DNPEP: variants seen among roughly 807,000 people sequenced by gnomAD.
DNPEP encodes the protein aspartyl aminopeptidase.
DNPEP carries 46 observed loss-of-function variants against 59.1 expected under a neutral mutation model. That is an observed-to-expected ratio of 0.78 (90% CI 0.61 to 0.99). The LOEUF (loss-of-function observed/expected upper bound fraction) is 0.99, where lower values mean the gene tolerates loss of function less well. Among genes scored for constraint, DNPEP ranks in the 50% least tolerant of loss-of-function variants. The pLI, the probability that DNPEP is intolerant of heterozygous loss-of-function variation, is 0.00. For synonymous variants in DNPEP, 229 were observed against 242.2 expected (o/e 0.95, Z 0.50); for missense variants, 617 against 649.9 (o/e 0.95, Z 0.55).
Position 219,385,515 on chromosome 2 carries a change from G to A in DNPEP, c.683C>T (p.Ser228Leu), listed in dbSNP as rs149936277. Residue 228 changes from serine (S) to leucine (L), a missense_variant, in exon 8 of 15, where the codon TCG becomes TTG. Ser to Leu is a moderately radical substitution (Grantham distance 145, BLOSUM62 -2). Coordinates refer to ENST00000273075, the MANE Select transcript of DNPEP (RefSeq NM_012100.4). ...GGCACAGAGCAGGGACATGAGGACCGAATGGTGCCGCTCATCCTGAAGAGC... is the reference window on the plus strand; with the variant it reads ...GGCACAGAGCAGGGACATGAGGACCAAATGGTGCCGCTCATCCTGAAGAGC... ...PLNAVDERHH[S>L]VLMSLLCAHL... The A allele has an allele frequency of 8.9e-4, 1,430 of 1,603,442 alleles. 11 individuals carry two copies. The South Asian group carries it at 0.011, about 12-fold the overall frequency.
chr2:219,387,361 A>C (rs969667599), intron 1 of DNPEP, 198 bp from the exon 2 acceptor site: 3 of 1,440,640 alleles, frequency 2.1e-6, no homozygotes, highest in Non-Finnish European at 2.7e-6. Flanking sequence ...GCCCAGGATC[A>C]TGAGCCAGGC....
chr2:219,385,828 C>T, intron 6 of DNPEP, 122 bp from the exon 7 acceptor site: 1 of 1,445,060 alleles, frequency 6.9e-7, no homozygotes, highest in Non-Finnish European at 9.4e-7. Context: ...GCCCACTCCC[C>T]AAATCACAAG....
rs1183913072 is a variant in DNPEP at position 219,386,049 on chromosome 2, G to A, written c.509C>T (p.Pro170Leu). 3 of 1,614,124 alleles carry A rather than the reference G, an allele frequency of 1.9e-6. No homozygotes were observed. Among genetic ancestry groups the A allele is most frequent in the African/African-American group, 2.7e-5 (2 of 75,022 alleles). ...LEQQLVHVER[P>L]ILRIPHLAIH... ...GGCCAGGTGTGGGATGCGAAGAATGGGCCGCTCCACGTGCACCAGCTGCTG... is the reference window on the plus strand; with the variant it reads ...GGCCAGGTGTGGGATGCGAAGAATGAGCCGCTCCACGTGCACCAGCTGCTG... The change falls in exon 6 of 15, where the codon CCC becomes CTC. Residue 170 changes from proline to leucine, a missense_variant. Physicochemically the swap from Pro to Leu is moderately conservative, Grantham distance 98. Coordinates refer to ENST00000273075, the MANE Select transcript of DNPEP (RefSeq NM_012100.4).
intron 10 of DNPEP, 121 bp downstream of exon 10, chr2:219,383,010 G>C: frequency 1.4e-6 from 1 of 733,532 alleles, no homozygotes; most frequent in South Asian, 1.7e-5. Context: ...AGGAGGCACA[G>C]GCAGCATCTC....
In DNPEP at chr2:219,381,436, C is replaced by T; in HGVS notation, c.1138G>A (p.Gly380Ser). Residue 380 changes from glycine (G) to serine (S), a missense_variant and splice_region_variant, in exon 13 of 15, where the codon GGC becomes AGC. Coordinates refer to ENST00000273075, the MANE Select transcript of DNPEP (RefSeq NM_012100.4). ...EENHRPLFHK[G>S]PVIKVNSKQR... is the part of the protein sequence containing the mutation. ...TTGCTGTTCACCTTGATCACGGGGC[C>T]CTGGGGAGAGTCAAGGTGAGGCAGA... 6.2e-7 allele frequency: 1 copy of T among 1,614,208 alleles called. No homozygotes were observed. Among genetic ancestry groups the T allele is most frequent in the Non-Finnish European group, 8.5e-7 (1 of 1,180,036 alleles).
chr2:219,396,853 C>T (rs188452044), intron 1 of DNPEP, among the ~76,000 whole-genome samples: 4 of 152,256 alleles, frequency 2.6e-5, no homozygotes, highest in Non-Finnish European at 5.9e-5. Flanking sequence ...CACAGACCTC[C>T]ATGTACAATT....
intron 9 of DNPEP, among the ~76,000 whole-genome samples, 161 bp downstream of exon 9, chr2:219,384,205 A>G (rs10804272): frequency 0.99 from 151,276 of 152,366 alleles, 75,103 homozygotes; most frequent in East Asian, 1. Flanking sequence ...TGAGGCTGCA[A>G]CATTTAGGGC....
intron 13 of DNPEP, among the ~76,000 whole-genome samples, chr2:219,378,766 A>G (rs1201342537): frequency 6.6e-6 from 1 of 152,210 alleles, no homozygotes; most frequent in South Asian, 2.1e-4. Context: ...GGCATAATGC[A>G]TGACTCACTT....
intron 8 of DNPEP, chr2:219,384,761 G>T (rs977468262): frequency 3.5e-5 from 9 of 257,700 alleles, no homozygotes; most frequent in African/African-American, 2.1e-4. Context: ...TAGAGACAGG[G>T]TTTCACCATG....
intron 1 of DNPEP, among the ~76,000 whole-genome samples, chr2:219,395,743 G>A (rs755909948): frequency 9.2e-5 from 14 of 152,158 alleles, no homozygotes; most frequent in Non-Finnish European, 2.1e-4. Context: ...GCCTTCCCTA[G>A]CATCTCCAGA....
chr2:219,377,277 CAAAAAAA>C (rs386392672), intron 13 of DNPEP, among the ~76,000 whole-genome samples: 8,261 of 65,612 alleles, frequency 0.13, 203 homozygotes, highest in Middle Eastern at 0.27. Context: ...CTCACTCTGT[CAAAAAAA>C]AAAAAAAAAA....
At chr2:219,383,479 TTTTC>T (rs377085261) in intron 9 of DNPEP, among the ~76,000 whole-genome samples, 236 of 152,132 alleles carry the variant, frequency 1.6e-3, no homozygotes, top group African/African-American at 4.9e-3. Flanking sequence ...TTTTCTCTTT[TTTTC>T]TTTCTTTCTT....
intron 13 of DNPEP, among the ~76,000 whole-genome samples, chr2:219,375,247 C>G (rs552189313): frequency 2.0e-4 from 30 of 152,312 alleles, no homozygotes; most frequent in African/African-American, 7.0e-4. Flanking sequence ...ATTCTCCACA[C>G]AGCAGGAAGG....
chr2:219,395,194 C>A (rs543063526), intron 1 of DNPEP, among the ~76,000 whole-genome samples: 2 of 152,300 alleles, frequency 1.3e-5, no homozygotes, highest in East Asian at 3.9e-4. Context: ...GCAATCTGCC[C>A]TCCTCAGCCT....
intron 13 of DNPEP, among the ~76,000 whole-genome samples, chr2:219,375,581 A>G (rs1953339906): frequency 6.6e-6 from 1 of 152,074 alleles, no homozygotes; most frequent in African/African-American, 2.4e-5. Flanking sequence ...ATTTATTTTG[A>G]GATGGAGTCT....
upstream of DNPEP, among the ~76,000 whole-genome samples, chr2:219,389,596 G>A (rs1382077294): frequency 1.3e-5 from 2 of 151,720 alleles, no homozygotes; most frequent in Admixed American, 6.6e-5. Context: ...TTGGGAGGCC[G>A]AGGCGGGTAG....
chr2:219,383,715 C>T (rs1953695786), intron 9 of DNPEP, among the ~76,000 whole-genome samples: 1 of 152,144 alleles, frequency 6.6e-6, no homozygotes, highest in Admixed American at 6.6e-5. Context: ...GTGACAGACT[C>T]CATCAAGGTG....
chr2:219,376,681 G>A (rs1212867895), intron 13 of DNPEP, among the ~76,000 whole-genome samples: 1 of 152,160 alleles, frequency 6.6e-6, no homozygotes, highest in African/African-American at 2.4e-5. Context: ...CCACTTCACA[G>A]AAGAATGGAA....
Position 219,383,605 on chromosome 2 carries a change from T to C in DNPEP, c.853-391A>G, listed in dbSNP as rs1574982955. On this transcript the variant is annotated intron_variant, in intron 9 of 14. Coordinates refer to ENST00000273075, the MANE Select transcript of DNPEP (RefSeq NM_012100.4). Reference sequence around the variant, plus strand: ...CCCATGCAAAAGGCAGTAGAAGATGTGGAGGACAGAGAGGAAGAGCTGAGA... The same window carrying C: ...CCCATGCAAAAGGCAGTAGAAGATGCGGAGGACAGAGAGGAAGAGCTGAGA... Among the ~76,000 whole-genome samples the C allele has an allele frequency of 3.9e-5, 6 of 152,068 alleles. No individual in the cohort carries two copies. The South Asian group carries it at 1.0e-3, about 26-fold the overall frequency.
Sources: gnomAD v4.1 joint callset for allele counts (sites outside exome capture counted in the v4.1 genomes callset) on GRCh38, gnomAD v4.1.1 for gene constraint, MANE v1.5 for transcripts, NCBI Gene and HGNC (gene_info 2026-07-23, HGNC 2026-07-21) for gene names.